The following PABPC4L variants were observed in gnomAD, a reference collection of about 807,000 sequenced individuals.
The protein encoded by PABPC4L is polyadenylate-binding protein 4-like.
For missense variants in PABPC4L, 452 were observed against 451.4 expected (o/e 1.00, Z -0.01); for synonymous variants, 169 against 164.1 (o/e 1.03, Z -0.23).
chr4:134,101,553 AG>A, the PABPC4L span, among the ~76,000 whole-genome samples: 1 of 151,460 alleles, frequency 6.6e-6, no homozygotes, highest in African/African-American at 2.4e-5. Context: ...GAAAAAAAAA[AG>A]AATCTTATTT....
the PABPC4L span, among the ~76,000 whole-genome samples, chr4:133,963,598 A>T: frequency 6.6e-6 from 1 of 152,146 alleles, no homozygotes; most frequent in African/African-American, 2.4e-5. Flanking sequence ...AGGCCAGAAA[A>T]AAAACTCATT....
chr4:134,111,549 C>T, the PABPC4L span, among the ~76,000 whole-genome samples: 2 of 151,776 alleles, frequency 1.3e-5, no homozygotes, highest in African/African-American at 4.8e-5. Flanking sequence ...TCTAGAGAAC[C>T]AGGACTATTG....
the PABPC4L span, among the ~76,000 whole-genome samples, chr4:134,129,546 G>A: frequency 6.6e-6 from 1 of 151,980 alleles, no homozygotes; most frequent in African/African-American, 2.4e-5. Flanking sequence ...CAAATACATG[G>A]AAATAAAATA....
chr4:133,960,016 G>A, the PABPC4L span, among the ~76,000 whole-genome samples: 3 of 152,186 alleles, frequency 2.0e-5, no homozygotes, highest in Non-Finnish European at 4.4e-5. Flanking sequence ...ACTATATCCA[G>A]ATGTCAACGA....
chr4:134,083,567 A>T, the PABPC4L span, among the ~76,000 whole-genome samples: 81 of 152,256 alleles, frequency 5.3e-4, 2 homozygotes, highest in East Asian at 0.013. Context: ...CTAGCCACAT[A>T]CCTGATATGC....
At chr4:134,109,603 G>A in the PABPC4L span, among the ~76,000 whole-genome samples, 1 of 151,612 alleles carries the variant, frequency 6.6e-6, no homozygotes, top group Non-Finnish European at 1.5e-5. Context: ...AGAAATAAAG[G>A]AAAATTCTAA....
the PABPC4L span, among the ~76,000 whole-genome samples, chr4:134,117,135 A>G: frequency 6.6e-6 from 1 of 151,676 alleles, no homozygotes; most frequent in Non-Finnish European, 1.5e-5. Flanking sequence ...TATAGCCATG[A>G]CAGTATCTCC....
the PABPC4L span, among the ~76,000 whole-genome samples, chr4:134,026,223 A>G: frequency 6.7e-6 from 1 of 149,142 alleles, no homozygotes; most frequent in Non-Finnish European, 1.5e-5. Flanking sequence ...TAATGTATAT[A>G]TTCAAATAAT....
chr4:134,098,677 AAG>A, the PABPC4L span, among the ~76,000 whole-genome samples: 1 of 151,680 alleles, frequency 6.6e-6, no homozygotes, highest in East Asian at 1.9e-4. Flanking sequence ...AAGCTTATGA[AAG>A]AGGATCACAA....
At chr4:133,950,435 C>G in the PABPC4L span, among the ~76,000 whole-genome samples, 1 of 152,170 alleles carries the variant, frequency 6.6e-6, no homozygotes. Flanking sequence ...GCAGATCACA[C>G]AAACTCCACA....
chr4:134,026,787 A>T, the PABPC4L span, among the ~76,000 whole-genome samples: 1 of 152,158 alleles, frequency 6.6e-6, no homozygotes, highest in Non-Finnish European at 1.5e-5. Context: ...TTAGACCTAG[A>T]CAAACATACA....
chr4:134,137,840 C>T, the PABPC4L span, among the ~76,000 whole-genome samples: 2 of 151,638 alleles, frequency 1.3e-5, no homozygotes, highest in Non-Finnish European at 3.0e-5. Flanking sequence ...TTTACTGATA[C>T]CCATTATACA....
chr4:134,063,303 G>A, the PABPC4L span, among the ~76,000 whole-genome samples: 3 of 151,892 alleles, frequency 2.0e-5, no homozygotes, highest in African/African-American at 4.8e-5. Flanking sequence ...CCAGAGCCTG[G>A]CAAGGAAAAT....
the PABPC4L span, among the ~76,000 whole-genome samples, chr4:134,076,762 T>C: frequency 2.6e-5 from 4 of 152,140 alleles, no homozygotes; most frequent in Non-Finnish European, 4.4e-5. Flanking sequence ...CTGTTATGGA[T>C]ATATAGACAT....
Position 134,199,288 on chromosome 4 carries a change from C to T in PABPC4L, c.*619G>A, listed in dbSNP as rs1331689288. On this transcript the variant is annotated 3_prime_UTR_variant, in exon 2 of 2. Transcript: ENST00000421491. The stretch of plus-strand genomic sequence containing the variant: ...ACACATAAAGCCAGTTTTTAGGCAA[C>T]ATTAAAAACTTCCATCATCTTAATT... The T allele has an allele frequency of 6.6e-6, 1 of 152,074 alleles. No individual in the cohort carries two copies. Among genetic ancestry groups the T allele is most frequent in the East Asian group, 1.9e-4 (1 of 5,198 alleles). 9.4% of individuals were successfully genotyped at this position (152,074 alleles called of 1,614,324 possible).
the PABPC4L span, among the ~76,000 whole-genome samples, chr4:133,992,944 G>A: frequency 1.1e-4 from 17 of 152,080 alleles, no homozygotes; most frequent in East Asian, 3.9e-4. Flanking sequence ...TCTAGTACCA[G>A]GTTGGGTCCT....
rs760554983 is a variant in PABPC4L at position 134,201,075 on chromosome 4, T to G, written c.-56A>C. 6.4e-7 allele frequency: 1 copy of G among 1,551,240 alleles called. No individual in the cohort carries two copies. The highest frequency in any genetic ancestry group is 1.4e-5 in the African/African-American group (1 of 73,084). On this transcript the variant is annotated 5_prime_UTR_variant, in exon 2 of 2. Transcript: ENST00000421491. ...CCTGGAGTTCTTTGAGCAATCCCTG[T>G]GGGGGGATACTAGGTCACAGCTTTG...
the PABPC4L span, among the ~76,000 whole-genome samples, chr4:134,177,953 CT>C: frequency 1.3e-5 from 2 of 152,030 alleles, no homozygotes; most frequent in South Asian, 4.1e-4. Context: ...TCTGTGTAAA[CT>C]CAGCTAGAAG....
the PABPC4L span, among the ~76,000 whole-genome samples, chr4:134,026,643 G>A: frequency 6.6e-6 from 1 of 151,918 alleles, no homozygotes; most frequent in African/African-American, 2.4e-5. Flanking sequence ...TTCATATATT[G>A]ACGTCGTAAC....
Sources: allele counts gnomAD v4.1 joint callset (sites outside exome capture counted in the v4.1 genomes callset), GRCh38; gene constraint gnomAD v4.1.1; transcripts MANE v1.5; gene names NCBI Gene and HGNC (gene_info 2026-07-23, HGNC 2026-07-21).